The following SLC5A9 variants were observed in gnomAD, a reference collection of about 807,000 sequenced individuals.
The protein encoded by SLC5A9 is sodium/glucose cotransporter 4.
In SLC5A9, 59 loss-of-function variants were observed where a neutral mutation model predicts 70.9. That is an observed-to-expected ratio of 0.83 (90% CI 0.68 to 1.03). The LOEUF (loss-of-function observed/expected upper bound fraction) is 1.03, where lower values mean the gene tolerates loss of function less well. Ranked by LOEUF, SLC5A9 falls within the 50% of genes least tolerant of loss-of-function variation. The pLI, the probability that SLC5A9 is intolerant of heterozygous loss-of-function variation, is 0.00. For missense variants in SLC5A9, 832 were observed against 881.1 expected (o/e 0.94, Z 0.71); for synonymous variants, 340 against 346.5 (o/e 0.98, Z 0.21).
chr1:48,234,365 A>G (rs1644298194), intron 9 of SLC5A9, among the ~76,000 whole-genome samples: 1 of 152,208 alleles, frequency 6.6e-6, no homozygotes, highest in Non-Finnish European at 1.5e-5. Flanking sequence ...GCGCTGGGAC[A>G]CTGCGGGGTT....
At chr1:48,235,995 G>A in intron 10 of SLC5A9, 116 bp downstream of exon 10, 1 of 1,199,966 alleles carries the variant, frequency 8.3e-7, no homozygotes, top group Non-Finnish European at 1.2e-6. Flanking sequence ...AGAGCACCGG[G>A]TTCAAGCTCC....
intron 13 of SLC5A9, among the ~76,000 whole-genome samples, chr1:48,243,343 C>T (rs1040140556): frequency 1.3e-5 from 2 of 152,098 alleles, no homozygotes; most frequent in Non-Finnish European, 2.9e-5. Flanking sequence ...GGTGTCTCCT[C>T]GAGCGGCTGA....
rs146900022 is a variant in SLC5A9 at position 48,235,834 on chromosome 1, G to A, written c.1247G>A (p.Arg416His). 39 of 1,614,106 alleles carry A rather than the reference G, an allele frequency of 2.4e-5. No homozygotes were observed. The highest frequency in any genetic ancestry group is 2.2e-4 in the South Asian group (20 of 91,086). ...STLFTIDVWQRFRRKSTEQEL... is the reference protein window; with the variant it reads ...STLFTIDVWQHFRRKSTEQEL... ...CTGTTCACCATTGATGTGTGGCAGCGCTTCCGCAGGAAGTCAACAGAGCAG... is the reference window on the plus strand; with the variant it reads ...CTGTTCACCATTGATGTGTGGCAGCACTTCCGCAGGAAGTCAACAGAGCAG... Residue 416 changes from arginine to histidine, a missense_variant, in exon 10 of 14, where the codon CGC becomes CAC. Coordinates refer to ENST00000438567, the MANE Select transcript of SLC5A9 (RefSeq NM_001011547.3).
At position 48,242,473 on chromosome 1, in the gene SLC5A9, G is replaced by A. The variant is rs1644402436; in HGVS notation, c.1694G>A (p.Trp565Ter). The A allele has an allele frequency of 6.2e-7, 1 of 1,608,566 alleles. No homozygotes were observed. Among genetic ancestry groups the A allele is most frequent in the Admixed American group, 1.7e-5 (1 of 59,444 alleles). ...IPEEQLTRLT[W>*]WTRNCPLSEL... is the part of the protein sequence containing the mutation. ...TCCCTCCAGCTCACACGCCTCACAT[G>A]GTGGACTCGGAACTGCCCCCTCTCT... The change falls in exon 13 of 14, where the codon TGG (tryptophan) becomes TAG (stop). Residue 565 changes from tryptophan to a stop codon, truncating the protein, a stop_gained. Transcript: ENST00000438567. LOFTEE classifies it high-confidence loss of function.
At chr1:48,238,949 G>A (rs1338320833) in intron 11 of SLC5A9, among the ~76,000 whole-genome samples, 4 of 152,164 alleles carry the variant, frequency 2.6e-5, no homozygotes, top group Non-Finnish European at 4.4e-5. Flanking sequence ...TATTACAAAA[G>A]TTTATTCCAT....
At chr1:48,224,058 T>C (rs1644108766) in intron 1 of SLC5A9, among the ~76,000 whole-genome samples, 1 of 152,228 alleles carries the variant, frequency 6.6e-6, no homozygotes, top group Non-Finnish European at 1.5e-5. Flanking sequence ...TGTTGGCTTT[T>C]GCATCTGAAT....
chr1:48,247,769 C>G lies in SLC5A9; in HGVS notation c.*226C>G, dbSNP rs958076220. 1 of 580,764 alleles carries G rather than the reference C, an allele frequency of 1.7e-6. No homozygotes were observed. Among genetic ancestry groups the G allele is most frequent in the Non-Finnish European group, 3.1e-6 (1 of 325,300 alleles). 36.0% of individuals were successfully genotyped at this position (580,764 alleles called of 1,614,324 possible). A position where few individuals can be genotyped will look rare whatever the true frequency, so the allele number is the denominator to read the frequency against. On this transcript the variant is annotated 3_prime_UTR_variant, in exon 14 of 14. Transcript: ENST00000438567. Reference sequence around the variant, plus strand: ...TCAGGACCACCCAGAAGGTGTCACACGGGGTTTCCCCACTCTTTCTGATAT... The same window carrying G: ...TCAGGACCACCCAGAAGGTGTCACAGGGGGTTTCCCCACTCTTTCTGATAT...
At chr1:48,247,290 C>T (rs1644470539) in intron 13 of SLC5A9, 45 bp from the exon 14 acceptor site, 1 of 1,579,984 alleles carries the variant, frequency 6.3e-7, no homozygotes, top group Non-Finnish European at 8.7e-7. Context: ...TCTTCTTTGC[C>T]TCTCCCCTCC....
At chr1:48,223,038 G>T (rs1644094247) in intron 1 of SLC5A9, 140 bp downstream of exon 1, 1 of 876,942 alleles carries the variant, frequency 1.1e-6, no homozygotes. Flanking sequence ...GGGCCTTCAG[G>T]AATCAGGCTC....
At chr1:48,247,236 A>C in intron 13 of SLC5A9, 99 bp from the exon 14 acceptor site, 2 of 1,088,660 alleles carry the variant, frequency 1.8e-6, no homozygotes, top group Non-Finnish European at 2.7e-6. Context: ...GTATCTCACC[A>C]TCTCTCTCCC....
rs777793634 is a variant in SLC5A9 at position 48,247,477 on chromosome 1, T to A, written c.1980T>A (p.His660Gln). Reference sequence around the variant, plus strand: ...TTGAGGAGGAGCCACTCTGGAGACATGTCTGCAACATCAATGCTGTCCTTT... The same window carrying A: ...TTGAGGAGGAGCCACTCTGGAGACAAGTCTGCAACATCAATGCTGTCCTTT... ...TSIEEEPLWRHVCNINAVLLL... is the reference protein window; with the variant it reads ...TSIEEEPLWRQVCNINAVLLL... The change falls in exon 14 of 14, where the codon CAT becomes CAA. Residue 660 changes from histidine to glutamine, a missense_variant. Physicochemically the swap from His to Gln is conservative, Grantham distance 24 (BLOSUM62 0). Transcript: ENST00000438567. The A allele has an allele frequency of 1.2e-6, 2 of 1,614,090 alleles. No homozygotes were observed. Among genetic ancestry groups the A allele is most frequent in the African/African-American group, 1.3e-5 (1 of 74,924 alleles).
chr1:48,230,405 T>G (rs975213979), intron 4 of SLC5A9, among the ~76,000 whole-genome samples, 195 bp from the exon 5 acceptor site: 3 of 152,242 alleles, frequency 2.0e-5, no homozygotes, highest in African/African-American at 7.2e-5. Context: ...AGTACTTCTC[T>G]GCTTTAAAGT....
At position 48,247,335 on chromosome 1, in the gene SLC5A9, C is replaced by G. The variant is rs750235067; in HGVS notation, c.1838C>G (p.Ala613Gly). 3.1e-6 allele frequency: 5 copies of G among 1,613,648 alleles called. No homozygotes were observed. Among genetic ancestry groups the G allele is most frequent in the Non-Finnish European group, 4.2e-6 (5 of 1,179,828 alleles). ...NSSLGQEQPE[A>G]PSRSWGKLLW... ...TTGTCTTCTGGCTTTGTCCCTCCAG[C>G]CCCAAGCAGGTCCTGGGGAAAGTTG... The change falls in exon 14 of 14, where the codon GCC becomes GGC. Residue 613 changes from alanine to glycine, a missense_variant and splice_region_variant. Physicochemically the swap from Ala to Gly is moderately conservative, Grantham distance 60. Coordinates refer to ENST00000438567, the MANE Select transcript of SLC5A9 (RefSeq NM_001011547.3).
At chr1:48,228,655 T>A in intron 2 of SLC5A9, 195 bp from the exon 3 acceptor site, 2 of 866,602 alleles carry the variant, frequency 2.3e-6, no homozygotes, top group East Asian at 5.6e-5. Context: ...CTTACATTAG[T>A]TCCTTCCTCT....
chr1:48,233,920 A>G (rs1644292986), intron 9 of SLC5A9, among the ~76,000 whole-genome samples, 158 bp downstream of exon 9: 1 of 152,188 alleles, frequency 6.6e-6, no homozygotes. Flanking sequence ...TTTTACAGGC[A>G]TTTGTACGTA....
chr1:48,247,552 A>G lies in SLC5A9; in HGVS notation c.*9A>G. 1 of 1,614,004 alleles carries G rather than the reference A, an allele frequency of 6.2e-7. No individual in the cohort carries two copies. Among genetic ancestry groups the G allele is most frequent in the South Asian group, 1.1e-5 (1 of 91,074 alleles). ...GGGGCTATTTTGCGTGATTCCACAGACCTGGCTTCAGTGTAGACAGATTAA... is the reference window on the plus strand; with the variant it reads ...GGGGCTATTTTGCGTGATTCCACAGGCCTGGCTTCAGTGTAGACAGATTAA... On this transcript the variant is annotated 3_prime_UTR_variant, in exon 14 of 14. Transcript: ENST00000438567.
intron 13 of SLC5A9, among the ~76,000 whole-genome samples, chr1:48,244,825 T>A (rs1308864515): frequency 4.8e-5 from 3 of 62,122 alleles, no homozygotes; most frequent in African/African-American, 1.2e-4. Context: ...ATATTTATAT[T>A]ATATATATAA....
In SLC5A9 at chr1:48,239,374, T is replaced by C; in HGVS notation, c.1514T>C (p.Ile505Thr). 6.2e-7 allele frequency: 1 copy of C among 1,614,150 alleles called. No homozygotes were observed. The highest frequency in any genetic ancestry group is 8.5e-7 in the Non-Finnish European group (1 of 1,180,020). The change falls in exon 12 of 14, where the codon ATC (isoleucine) becomes ACC (threonine). Residue 505 changes from isoleucine to threonine, a missense_variant. Transcript: ENST00000438567. This position sits in a 1 kb window ranked among gnomAD's most constrained non-coding sequence, Gnocchi z 4.2. Reference protein sequence around the residue: ...FGLGVGLLRMILEFSYPAPAC... With the variant: ...FGLGVGLLRMTLEFSYPAPAC... ...CTGGGAGTGGGGCTTCTGCGTATGA[T>C]CCTGGAGTTCTCATACCCAGCGCCA...
At chr1:48,234,879 CAAT>C (rs984688730) in intron 9 of SLC5A9, among the ~76,000 whole-genome samples, 1 of 152,000 alleles carries the variant, frequency 6.6e-6, no homozygotes, top group Non-Finnish European at 1.5e-5. Context: ...GCTGGAAAGA[CAAT>C]AACTAAAGAG....
Sources: gnomAD v4.1 joint callset for allele counts (sites outside exome capture counted in the v4.1 genomes callset) on GRCh38, gnomAD v4.1.1 for gene constraint, Gnocchi (gnomAD v3.1) non-coding constraint, MANE v1.5 for transcripts, NCBI Gene and HGNC (gene_info 2026-07-23, HGNC 2026-07-21) for gene names.